ABCG1: variants seen among roughly 807,000 people sequenced by gnomAD.
ABCG1 encodes the protein ATP-binding cassette sub-family G member 1.
Under a neutral mutation model 69.2 loss-of-function variants are expected in ABCG1, and 29 were observed. The ratio of observed to expected loss-of-function variants is 0.42; its 90% confidence interval spans 0.31 to 0.57. The LOEUF (loss-of-function observed/expected upper bound fraction) is 0.57. Ranked by LOEUF, ABCG1 falls within the 20% of genes least tolerant of loss-of-function variation. ABCG1 has a pLI of 0.15. For synonymous variants in ABCG1, 370 were observed against 374.8 expected (o/e 0.99, Z 0.15); for missense variants, 718 against 898.1 (o/e 0.80, Z 2.56).
At chr21:42,202,999 C>T (rs1405053329) in intron 2 of ABCG1, among the ~76,000 whole-genome samples, 1 of 152,130 alleles carries the variant, frequency 6.6e-6, no homozygotes, top group Non-Finnish European at 1.5e-5. Context: ...GAATAGAAAA[C>T]CCAGAATCAC....
chr21:42,219,448 C>A lies in ABCG1; in HGVS notation c.42+144C>A. The A allele has an allele frequency of 8.2e-7, 1 of 1,215,856 alleles. No individual in the cohort carries two copies. The highest frequency in any genetic ancestry group is 1.1e-6 in the Non-Finnish European group (1 of 907,410). 75.3% of individuals were successfully genotyped at this position (1,215,856 alleles called of 1,614,324 possible). A position where few individuals can be genotyped will look rare whatever the true frequency, so the allele number is the denominator to read the frequency against. On this transcript the variant is annotated intron_variant, in intron 1 of 14. Transcript: ENST00000398449. The surrounding 1 kb of genome is among the most constrained non-coding windows in gnomAD (Gnocchi z 5.3). ...TGACCCAGGGCACCCTAGAGTGGCGCCCGGCTCCGATCGCTGCCCCTGCCC... is the reference window on the plus strand; with the variant it reads ...TGACCCAGGGCACCCTAGAGTGGCGACCGGCTCCGATCGCTGCCCCTGCCC...
intron 1 of ABCG1, among the ~76,000 whole-genome samples, chr21:42,200,881 G>T (rs896421770): frequency 1.3e-5 from 2 of 152,086 alleles, no homozygotes; most frequent in African/African-American, 4.8e-5. Flanking sequence ...GAACCACCAC[G>T]CCTGGCCTAC....
chr21:42,284,459 G>A (rs1218737494), intron 6 of ABCG1, 101 bp from the exon 7 acceptor site: 5 of 1,444,378 alleles, frequency 3.5e-6, no homozygotes, highest in Non-Finnish European at 4.6e-6. Flanking sequence ...AGCCCCTGAT[G>A]CCAAGCCCTC....
At chr21:42,268,315 G>A (rs1403870536) in intron 2 of ABCG1, among the ~76,000 whole-genome samples, 1 of 152,138 alleles carries the variant, frequency 6.6e-6, no homozygotes, top group Admixed American at 6.5e-5. Context: ...GGAACCAAGT[G>A]GAGGACTCTG....
intron 10 of ABCG1, among the ~76,000 whole-genome samples, chr21:42,289,512 C>T (rs1489341373): frequency 6.6e-6 from 1 of 152,160 alleles, no homozygotes; most frequent in East Asian, 1.9e-4. Flanking sequence ...GGGGGTTGGA[C>T]AATTCCTTAT....
intron 5 of ABCG1, among the ~76,000 whole-genome samples, chr21:42,279,378 C>T (rs538309256): frequency 5.9e-5 from 9 of 152,220 alleles, no homozygotes; most frequent in African/African-American, 1.2e-4. Context: ...ACGCAGGAGG[C>T]GGAGGGCGGA....
chr21:42,234,220 G>T lies in ABCG1; in HGVS notation c.286+8306G>T, dbSNP rs190137512. Among the ~76,000 whole-genome samples the T allele has an allele frequency of 4.2e-3, 643 of 152,222 alleles. 8 individuals carry two copies. The highest frequency in any genetic ancestry group is 0.014 in the African/African-American group (597 of 41,532). On this transcript the variant is annotated intron_variant, in intron 2 of 14. Transcript: ENST00000398449. ...TGCCCAGGACCGCTGGCAGGTAGGG[G>T]GCAGGTCCAGGACTGGACTTAACAC... is the stretch of plus-strand genomic sequence containing the variant.
intron 5 of ABCG1, among the ~76,000 whole-genome samples, chr21:42,280,223 T>C (rs1448094314): frequency 6.6e-6 from 1 of 152,254 alleles, no homozygotes; most frequent in Non-Finnish European, 1.5e-5. Flanking sequence ...AGCAACTTTG[T>C]GCCTTCACTC....
At chr21:42,224,734 G>A (rs1297452859) in intron 1 of ABCG1, among the ~76,000 whole-genome samples, 1 of 152,154 alleles carries the variant, frequency 6.6e-6, no homozygotes, top group Non-Finnish European at 1.5e-5. Context: ...TGCTCCCCCA[G>A]GGTTCTTCTG....
In ABCG1 at chr21:42,264,165, G is replaced by C. The variant is rs375148212; in HGVS notation, c.287-6905G>C. ...TTGGGGTTGGCCAGCTGGCCTTTAG[G>C]AGGAGCAGCTTCATTCCAGCGTTAT... On this transcript the variant is annotated intron_variant, in intron 2 of 14. Coordinates refer to ENST00000398449, the MANE Select transcript of ABCG1 (RefSeq NM_016818.3). Among the ~76,000 whole-genome samples, 18 of 152,284 alleles carry C rather than the reference G, an allele frequency of 1.2e-4. No individual in the cohort carries two copies. In the East Asian group the frequency reaches 1.9e-3, roughly 16 times the overall value.
In ABCG1 at chr21:42,259,587, C is replaced by T. The variant is rs542030984; in HGVS notation, c.287-11483C>T. 5.3e-4 allele frequency: 774 copies of T among 1,461,220 alleles called. 1 individual carries two copies. Among genetic ancestry groups the T allele is most frequent in the Non-Finnish European group, 6.5e-4 (722 of 1,104,920 alleles). The allele number at this position is 1,461,220 out of a possible 1,614,324, so 90.5% of individuals were successfully genotyped here. On this transcript the variant is annotated intron_variant, in intron 2 of 14. Transcript: ENST00000398449. ...GGCAAATCGAGTGGCATTGCCTCTG[C>T]GGAGCTGGCCATTACCTTGTTTCCT...
chr21:42,281,960 C>T (rs2068817989), intron 5 of ABCG1, among the ~76,000 whole-genome samples: 1 of 152,246 alleles, frequency 6.6e-6, no homozygotes, highest in African/African-American at 2.4e-5. Flanking sequence ...GTGCCCTGGG[C>T]ACCTGCCAGA....
chr21:42,296,638 A>T lies in ABCG1; in HGVS notation c.*246A>T, dbSNP rs866945415. 5.0e-5 allele frequency: 21 copies of T among 417,384 alleles called. No individual in the cohort carries two copies. Among genetic ancestry groups the T allele is most frequent in the Middle Eastern group, 1.4e-3 (2 of 1,476 alleles). The allele number at this position is 417,384 out of a possible 1,614,324, so 25.9% of individuals were successfully genotyped here. A position where few individuals can be genotyped will look rare whatever the true frequency, so the allele number is the denominator to read the frequency against. On this transcript the variant is annotated 3_prime_UTR_variant, in exon 15 of 15. Transcript: ENST00000398449. The surrounding 1 kb of genome is among the most constrained non-coding windows in gnomAD (Gnocchi z 5.4). The stretch of plus-strand genomic sequence containing the variant: ...GCAGATTGGTGGTTTTTTTTTTTTT[A>T]ACATACAGAATTTTAAATACCACAA...
In ABCG1 at chr21:42,288,567, C is replaced by G. The variant is rs1267826542; in HGVS notation, c.1224+255C>G. 6.6e-6 allele frequency among the ~76,000 whole-genome samples: 1 copy of G among 152,112 alleles called. No individual in the cohort carries two copies. The highest frequency in any genetic ancestry group is 1.5e-5 in the Non-Finnish European group (1 of 68,026). ...GCTAAAAATACAAAAATTAGCCAGG[C>G]CTGGTAGTGCATGCCTGTAATCCCA... On this transcript the variant is annotated intron_variant, in intron 10 of 14. Transcript: ENST00000398449. The surrounding 1 kb of genome is among the most constrained non-coding windows in gnomAD (Gnocchi z 4.8).
chr21:42,218,285 A>T (rs2067664953), upstream of ABCG1, among the ~76,000 whole-genome samples: 1 of 152,188 alleles, frequency 6.6e-6, no homozygotes, highest in Non-Finnish European at 1.5e-5. Flanking sequence ...TGAGACTGGG[A>T]GTAAAGAATT....
In ABCG1 at chr21:42,285,834, C is replaced by T. The variant is rs199789044; in HGVS notation, c.859-46C>T. On this transcript the variant is annotated intron_variant, in intron 7 of 14. Coordinates refer to ENST00000398449, the MANE Select transcript of ABCG1 (RefSeq NM_016818.3). ...TTGATTGAGGGCTCCGGTTGCCTTC[C>T]GAGGAAGGCAGGGCTTGATCCCTTT... 6.2e-4 allele frequency: 866 copies of T among 1,393,890 alleles called. 1 individual carries two copies. The highest frequency in any genetic ancestry group is 7.4e-4 in the Non-Finnish European group (730 of 981,120). 86.3% of individuals were successfully genotyped at this position (1,393,890 alleles called of 1,614,324 possible).
In ABCG1 at chr21:42,251,660, G is replaced by A. The variant is rs551224539; in HGVS notation, c.287-19410G>A. Among the ~76,000 whole-genome samples the A allele has an allele frequency of 3.3e-4, 51 of 152,290 alleles. No individual in the cohort carries two copies. The South Asian group carries it at 0.01, about 31-fold the overall frequency. ...AGGCGAGGCGGGGGGAATGGGAAAC[G>A]TGTCTGGAAGGGCCCAATTGTGGAA... On this transcript the variant is annotated intron_variant, in intron 2 of 14. Transcript: ENST00000398449.
Position 42,276,778 on chromosome 21 carries a change from G to A in ABCG1, c.538-117G>A. The A allele has an allele frequency of 9.9e-7, 1 of 1,014,220 alleles. No homozygotes were observed. Among genetic ancestry groups the A allele is most frequent in the Non-Finnish European group, 1.5e-6 (1 of 654,234 alleles). The allele number at this position is 1,014,220 out of a possible 1,614,324, so 62.8% of individuals were successfully genotyped here. A position where few individuals can be genotyped will look rare whatever the true frequency, so the allele number is the denominator to read the frequency against. On this transcript the variant is annotated intron_variant, in intron 4 of 14. Transcript: ENST00000398449. The surrounding 1 kb of genome is among the most constrained non-coding windows in gnomAD (Gnocchi z 5.3). ...GTGGGTAGCTGCACCGTGGCTAGTGGCACTGTGGCTAGCTGCATCTTGGCT... is the reference window on the plus strand; with the variant it reads ...GTGGGTAGCTGCACCGTGGCTAGTGACACTGTGGCTAGCTGCATCTTGGCT...
intron 4 of ABCG1, among the ~76,000 whole-genome samples, chr21:42,274,633 C>G (rs2068678528): frequency 6.6e-6 from 1 of 152,156 alleles, no homozygotes; most frequent in African/African-American, 2.4e-5. Flanking sequence ...CACCACCATG[C>G]CCGGCTGATT....
Sources: gnomAD v4.1 joint callset for allele counts (sites outside exome capture counted in the v4.1 genomes callset) on GRCh38, gnomAD v4.1.1 for gene constraint, Gnocchi (gnomAD v3.1) non-coding constraint, MANE v1.5 for transcripts, NCBI Gene and HGNC (gene_info 2026-07-23, HGNC 2026-07-21) for gene names.